Variants in KALRN observed in about 807,000 individuals in gnomAD.
KALRN encodes kalirin.
Under a neutral mutation model 353.7 loss-of-function variants are expected in KALRN, and 70 were observed. That is an observed-to-expected ratio of 0.20 (90% CI 0.16 to 0.24). The LOEUF (loss-of-function observed/expected upper bound fraction) is 0.24, where lower values mean the gene tolerates loss of function less well. KALRN is among the 10% of genes least tolerant of loss of function. The pLI, the probability that KALRN is intolerant of heterozygous loss-of-function variation, is 1.00. For missense variants in KALRN, 2,791 were observed against 3,756.7 expected (o/e 0.74, Z 6.72); for synonymous variants, 1,391 against 1,434.8 (o/e 0.97, Z 0.69).
intron 33 of KALRN, among the ~76,000 whole-genome samples, chr3:124,540,985 A>C (rs2109324561): frequency 6.6e-6 from 1 of 152,260 alleles, no homozygotes; most frequent in African/African-American, 2.4e-5. Context: ...TTAAAAACTG[A>C]AAAACAGTTG....
intron 1 of KALRN, among the ~76,000 whole-genome samples, chr3:124,053,426 G>A (rs1440658453): frequency 6.6e-6 from 1 of 152,142 alleles, no homozygotes; most frequent in East Asian, 1.9e-4. Flanking sequence ...TTGAAGGAGA[G>A]GTGAAGTCTC....
chr3:124,334,279 C>A lies in KALRN; in HGVS notation c.1431C>A (p.Gly477=), dbSNP rs763773571. ...TQAYTEVSQD[G]KALLDVLQRP... The stretch of plus-strand genomic sequence containing the variant: ...CTTTCCTGCAGGTCAGCCAGGATGG[C>A]AAAGCACTACTTGATGTGCTGCAGC... The change falls in exon 9 of 60, where the codon GGC becomes GGA. Residue 477 remains glycine, a synonymous_variant. Transcript: ENST00000682506. This position sits in a 1 kb window ranked among gnomAD's most constrained non-coding sequence, Gnocchi z 4.2. 7 of 1,614,052 alleles carry A rather than the reference C, an allele frequency of 4.3e-6. No homozygotes were observed. The highest frequency in any genetic ancestry group is 5.9e-6 in the Non-Finnish European group (7 of 1,179,990).
chr3:124,471,299 T>C (rs2060876255), intron 25 of KALRN, among the ~76,000 whole-genome samples: 1 of 139,216 alleles, frequency 7.2e-6, no homozygotes, highest in East Asian at 2.3e-4. Context: ...ATTATTATTA[T>C]TTGAGATGGA....
chr3:124,600,117 C>T lies in KALRN; in HGVS notation c.5183-32303C>T, dbSNP rs191845669. On this transcript the variant is annotated intron_variant, in intron 34 of 59. Transcript: ENST00000682506. ...GGCTTCCCAAAAGGTAGACCAGCCGCGGGGAAAGAAGAGCAGGAGTTCAGG... is the reference window on the plus strand; with the variant it reads ...GGCTTCCCAAAAGGTAGACCAGCCGTGGGGAAAGAAGAGCAGGAGTTCAGG... Among the ~76,000 whole-genome samples, 711 of 152,308 alleles carry T rather than the reference C, an allele frequency of 4.7e-3. 5 individuals carry two copies. The highest frequency in any genetic ancestry group is 0.016 in the African/African-American group (664 of 41,574).
At chr3:124,668,716 A>G (rs2085990507) in intron 47 of KALRN, among the ~76,000 whole-genome samples, 1 of 152,230 alleles carries the variant, frequency 6.6e-6, no homozygotes, top group Admixed American at 6.5e-5. Context: ...TTCACTCTAA[A>G]ATGTCTAAAA....
chr3:124,262,809 G>A (rs940433259), intron 3 of KALRN, among the ~76,000 whole-genome samples: 1 of 152,194 alleles, frequency 6.6e-6, no homozygotes, highest in South Asian at 2.1e-4. Flanking sequence ...ACTGCCAGCA[G>A]CTGTAAGCAA....
chr3:124,088,356 G>C (rs2060933030), intron 1 of KALRN, among the ~76,000 whole-genome samples: 1 of 152,162 alleles, frequency 6.6e-6, no homozygotes, highest in African/African-American at 2.4e-5. Context: ...GGGGCAGCTG[G>C]ACATTTTCAT....
In KALRN at chr3:124,128,813, G is replaced by A. The variant is rs540225568; in HGVS notation, c.73+95000G>A. ...TGCCTCCTTCTCAGATGCTCACTGT[G>A]TCCTTTTCAACTGGTCCTGAAGAGT... On this transcript the variant is annotated intron_variant, in intron 1 of 59. Coordinates refer to ENST00000682506, the MANE Select transcript of KALRN (RefSeq NM_001388419.1). Among the ~76,000 whole-genome samples the A allele has an allele frequency of 5.3e-5, 8 of 152,160 alleles. No individual in the cohort carries two copies. The South Asian group carries it at 1.7e-3, about 32-fold the overall frequency.
chr3:124,047,810 T>C (rs2040650622), intron 1 of KALRN, among the ~76,000 whole-genome samples: 2 of 152,084 alleles, frequency 1.3e-5, no homozygotes, highest in Non-Finnish European at 2.9e-5. Context: ...GCCAGAACAC[T>C]TTTTATATTG....
At chr3:124,702,961 T>G (rs1463189353) in intron 57 of KALRN, among the ~76,000 whole-genome samples, 1 of 152,220 alleles carries the variant, frequency 6.6e-6, no homozygotes, top group Non-Finnish European at 1.5e-5. Flanking sequence ...TTCATCCCTA[T>G]GCATGCTTTG....
At chr3:124,532,102 A>G (rs2068092003) in intron 33 of KALRN, among the ~76,000 whole-genome samples, 1 of 152,188 alleles carries the variant, frequency 6.6e-6, no homozygotes, top group Admixed American at 6.5e-5. Flanking sequence ...CTCTATTGGC[A>G]TCTGGCATAA....
At chr3:124,640,991 G>A (rs891039196) in intron 37 of KALRN, among the ~76,000 whole-genome samples, 13 of 152,068 alleles carry the variant, frequency 8.5e-5, no homozygotes, top group Admixed American at 7.2e-4. Context: ...CTCAAGCCGC[G>A]GCACGGAATT....
chr3:124,301,625 A>C (rs1385331292), intron 6 of KALRN, among the ~76,000 whole-genome samples: 1 of 152,186 alleles, frequency 6.6e-6, no homozygotes, highest in African/African-American at 2.4e-5. Flanking sequence ...TCCTGCAAAG[A>C]GGGAGGTCAG....
At chr3:124,525,801 C>G (rs907115313) in intron 33 of KALRN, among the ~76,000 whole-genome samples, 1 of 152,004 alleles carries the variant, frequency 6.6e-6, no homozygotes, top group African/African-American at 2.4e-5. Context: ...ACTATTCAAC[C>G]AACAAACTTG....
chr3:124,454,415 G>A (rs2059099135), intron 21 of KALRN, among the ~76,000 whole-genome samples: 2 of 152,194 alleles, frequency 1.3e-5, no homozygotes, highest in African/African-American at 4.8e-5. Context: ...TACTTCCTAA[G>A]GATGCATCTA....
intron 57 of KALRN, among the ~76,000 whole-genome samples, chr3:124,707,485 C>G (rs2062691353): frequency 6.6e-6 from 1 of 151,140 alleles, no homozygotes; most frequent in African/African-American, 2.4e-5. Context: ...CTTCTTCCTT[C>G]CTACCTTTTT....
chr3:124,327,082 C>T (rs1369734894), intron 7 of KALRN, among the ~76,000 whole-genome samples: 1 of 152,084 alleles, frequency 6.6e-6, no homozygotes, highest in Admixed American at 6.6e-5. Context: ...GTAGGAGTTT[C>T]ATATTATAGA....
intron 34 of KALRN, among the ~76,000 whole-genome samples, chr3:124,614,661 C>T (rs969321183): frequency 2.0e-5 from 3 of 151,732 alleles, no homozygotes; most frequent in Non-Finnish European, 4.4e-5. Context: ...GCCTCAACCT[C>T]CTGGGCTCAG....
At chr3:124,430,002 T>C (rs1410060460) in intron 15 of KALRN, among the ~76,000 whole-genome samples, 2 of 152,206 alleles carry the variant, frequency 1.3e-5, no homozygotes, top group African/African-American at 4.8e-5. Context: ...TCTCGATTAC[T>C]TCAAAAACTA....
Sources: gnomAD v4.1 joint callset for allele counts (sites outside exome capture counted in the v4.1 genomes callset) on GRCh38, gnomAD v4.1.1 for gene constraint, Gnocchi (gnomAD v3.1) non-coding constraint, MANE v1.5 for transcripts, NCBI Gene and HGNC (gene_info 2026-07-23, HGNC 2026-07-21) for gene names.